PLBD1: variants seen among roughly 807,000 people sequenced by gnomAD.
PLBD1 encodes lysosomal leucine aminopeptidase.
A neutral mutation model predicts 63.0 loss-of-function variants in PLBD1; 60 were observed. The ratio of observed to expected loss-of-function variants is 0.95; its 90% CI spans 0.77 to 1.18. PLBD1 has a LOEUF of 1.18. Among genes scored for constraint, PLBD1 ranks in the 50% most tolerant of loss-of-function variants. The pLI, the probability that PLBD1 is intolerant of heterozygous loss-of-function variation, is 0.00. For missense variants in PLBD1, 598 were observed against 677.9 expected, an observed-to-expected ratio of 0.88 and a Z score of 1.31; for synonymous variants, 262 against 248.0, an observed-to-expected ratio of 1.06 and a Z score of -0.53.
intron 4 of PLBD1, among the ~76,000 whole-genome samples, chr12:14,540,151 C>A (rs1945560529): frequency 2.1e-5 from 2 of 94,672 alleles, no homozygotes; most frequent in Non-Finnish European, 4.3e-5. Context: ...ATAGACAAAA[C>A]ATAATAAATG....
chr12:14,533,171 T>C (rs1945479825), intron 6 of PLBD1: 1 of 152,254 alleles, frequency 6.6e-6, no homozygotes, highest in Non-Finnish European at 1.5e-5. Context: ...AGCTTCATCG[T>C]AAAGCATAGT....
intron 10 of PLBD1, 133 bp from the exon 11 acceptor site, chr12:14,504,087 T>C: frequency 1.2e-6 from 1 of 819,618 alleles, no homozygotes; most frequent in South Asian, 1.8e-5. Context: ...TTCGCTCTTG[T>C]TGCCCAGACT....
intron 1 of PLBD1, among the ~76,000 whole-genome samples, chr12:14,564,082 ATTT>A (rs567962868): frequency 6.7e-6 from 1 of 149,098 alleles, no homozygotes; most frequent in Admixed American, 6.7e-5. Context: ...TCTACAAATA[ATTT>A]TTTTTTTTAA....
chr12:14,534,000 TAGTC>T (rs992379462), intron 6 of PLBD1, among the ~76,000 whole-genome samples: 2 of 152,016 alleles, frequency 1.3e-5, no homozygotes, highest in Non-Finnish European at 2.9e-5. Flanking sequence ...TTTAAAAAAT[TAGTC>T]AGGCATGGTG....
chr12:14,565,710 G>C (rs368893243), intron 1 of PLBD1, among the ~76,000 whole-genome samples: 5 of 152,134 alleles, frequency 3.3e-5, no homozygotes, highest in African/African-American at 1.2e-4. Context: ...GAAGGGTAAA[G>C]ACAAAGACCC....
intron 1 of PLBD1, among the ~76,000 whole-genome samples, chr12:14,561,051 T>C (rs1945739593): frequency 6.6e-6 from 1 of 151,464 alleles, no homozygotes; most frequent in South Asian, 2.1e-4. Context: ...AGGTGGAAAT[T>C]AAGAGATTTC....
chr12:14,542,734 T>C (rs2136925464), intron 2 of PLBD1, among the ~76,000 whole-genome samples: 1 of 152,324 alleles, frequency 6.6e-6, no homozygotes, highest in Admixed American at 6.5e-5. Context: ...TTATTTATCA[T>C]GTTCGCAACA....
intron 6 of PLBD1, among the ~76,000 whole-genome samples, chr12:14,534,028 G>GTGTCAACTA (rs1226603487): frequency 1.3e-5 from 2 of 152,076 alleles, no homozygotes; most frequent in African/African-American, 4.8e-5. Flanking sequence ...TGTGCCTGTA[G>GTGTCAACTA]TGTCAACTAC....
intron 6 of PLBD1, among the ~76,000 whole-genome samples, chr12:14,518,624 C>T (rs1258395022): frequency 6.6e-6 from 1 of 152,222 alleles, no homozygotes; most frequent in Non-Finnish European, 1.5e-5. Flanking sequence ...ACAGTTCCTA[C>T]CATGTCCACA....
intron 3 of PLBD1, among the ~76,000 whole-genome samples, chr12:14,541,581 A>G (rs1320386400): frequency 6.6e-6 from 1 of 152,172 alleles, no homozygotes; most frequent in Non-Finnish European, 1.5e-5. Context: ...TCATTGCTTC[A>G]TGGGATCTAG....
intron 1 of PLBD1, among the ~76,000 whole-genome samples, chr12:14,562,191 G>C (rs1945745953): frequency 6.6e-6 from 1 of 152,138 alleles, no homozygotes; most frequent in Non-Finnish European, 1.5e-5. Context: ...AGGTGTGGTA[G>C]CTCATGCCTG....
intron 1 of PLBD1, 45 bp downstream of exon 1, chr12:14,567,537 A>G: frequency 2.1e-6 from 3 of 1,457,216 alleles, no homozygotes; most frequent in Non-Finnish European, 2.7e-6. Context: ...ACAGGCTCCT[A>G]GGAGCCTCCC....
chr12:14,551,487 C>G (rs1945659215), intron 2 of PLBD1, among the ~76,000 whole-genome samples: 1 of 152,078 alleles, frequency 6.6e-6, no homozygotes, highest in South Asian at 2.1e-4. Context: ...AATGCTTTAT[C>G]TAAAAAATGA....
chr12:14,556,240 A>G (rs970676074), intron 1 of PLBD1, among the ~76,000 whole-genome samples: 4 of 152,198 alleles, frequency 2.6e-5, no homozygotes, highest in Admixed American at 6.5e-5. Flanking sequence ...CACATGGACA[A>G]TATGTCTGGG....
chr12:14,542,362 C>A, intron 2 of PLBD1, 71 bp from the exon 3 acceptor site: 2 of 1,230,746 alleles, frequency 1.6e-6, no homozygotes, highest in South Asian at 1.3e-5. Flanking sequence ...GTAAATTATT[C>A]AATCATTTGG....
At chr12:14,535,885 G>T (rs1009767375) in intron 5 of PLBD1, 82 bp from the exon 6 acceptor site, 5 of 1,422,490 alleles carry the variant, frequency 3.5e-6, no homozygotes, top group Middle Eastern at 1.8e-4. Context: ...GGCATACAGG[G>T]ATTGTGCCAT....
chr12:14,522,302 T>C (rs765936382), intron 6 of PLBD1, among the ~76,000 whole-genome samples: 7 of 151,964 alleles, frequency 4.6e-5, no homozygotes, highest in African/African-American at 1.7e-4. Flanking sequence ...TTAACGAAAA[T>C]TGAATCATGA....
intron 8 of PLBD1, among the ~76,000 whole-genome samples, chr12:14,507,728 G>C (rs1432846860): frequency 2.0e-5 from 3 of 152,140 alleles, no homozygotes; most frequent in Admixed American, 2.0e-4. Context: ...TGATCTTTTA[G>C]GTTACATTAG....
At chr12:14,542,653 A>T (rs1945583826) in intron 2 of PLBD1, among the ~76,000 whole-genome samples, 2 of 152,200 alleles carry the variant, frequency 1.3e-5, no homozygotes, top group South Asian at 4.1e-4. Context: ...TTCAGTCTTG[A>T]ATCTGATTAT....
Sources: gnomAD v4.1 joint callset for allele counts (sites outside exome capture counted in the v4.1 genomes callset) on GRCh38, gnomAD v4.1.1 for gene constraint, MANE v1.5 for transcripts, NCBI Gene and HGNC (gene_info 2026-07-23, HGNC 2026-07-21) for gene names.